FRMPD4: variants seen among roughly 807,000 people sequenced by gnomAD.
The protein encoded by FRMPD4 is FERM and PDZ domain-containing protein 4.
In FRMPD4, 22 loss-of-function variants were observed where a neutral mutation model predicts 94.1. The observed-to-expected ratio is 0.23, with a 90% confidence interval of 0.17 to 0.33. The LOEUF (loss-of-function observed/expected upper bound fraction) is 0.33. Among genes scored for constraint, FRMPD4 ranks in the 10% least tolerant of loss-of-function variants. FRMPD4 has a pLI of 1.00. For synonymous variants in FRMPD4, 631 were observed against 548.6 expected (o/e 1.15, Z -2.10); for missense variants, 1,111 against 1,339.9 (o/e 0.83, Z 2.67).
intron 9 of FRMPD4, among the ~76,000 whole-genome samples, chrX:12,696,606 A>AAAAAAAAAAAAAAAAAAAC (rs2060135535): frequency 9.4e-6 from 1 of 106,361 alleles, no homozygotes; most frequent in Non-Finnish European, 1.9e-5. Context: ...AAAAAAAAAA[A>AAAAAAAAAAAAAAAAAAAC]GACACACTGT....
intron 2 of FRMPD4, among the ~76,000 whole-genome samples, chrX:12,527,303 C>T (rs1172919601): frequency 9.0e-6 from 1 of 111,292 alleles, no homozygotes; most frequent in Non-Finnish European, 1.9e-5. Context: ...ACCTAGAGAA[C>T]TCACTAGAGG....
chrX:12,559,659 A>AAAC (rs766275634), intron 2 of FRMPD4, among the ~76,000 whole-genome samples: 3 of 109,799 alleles, frequency 2.7e-5, no homozygotes, highest in Non-Finnish European at 3.8e-5. Context: ...CAAGGAAAAA[A>AAAC]AAAAACAAAA....
intron 3 of FRMPD4, among the ~76,000 whole-genome samples, chrX:11,917,762 A>G (rs1173562023): frequency 1.8e-5 from 2 of 110,919 alleles, no homozygotes; most frequent in African/African-American, 6.6e-5. Context: ...GAGGAGGGCA[A>G]GGGCTGAAAA....
intron 1 of FRMPD4, among the ~76,000 whole-genome samples, chrX:12,228,794 C>T (rs2056951482): frequency 8.9e-6 from 1 of 112,088 alleles, no homozygotes; most frequent in Admixed American, 9.5e-5. Context: ...GCATTCAGGA[C>T]ACAAGGTAGG....
At chrX:12,681,564 C>T (rs1454482181) in intron 5 of FRMPD4, among the ~76,000 whole-genome samples, 1 of 111,045 alleles carries the variant, frequency 9.0e-6, no homozygotes, top group Admixed American at 9.7e-5. Flanking sequence ...TGAATTCAAG[C>T]TCTGGGAGAC....
At chrX:12,130,102 A>AAGAGAGAGAGAGAGAG (rs10533802) in intron 3 of FRMPD4, among the ~76,000 whole-genome samples, 30 of 92,739 alleles carry the variant, frequency 3.2e-4, no homozygotes, top group South Asian at 1.2e-3. Flanking sequence ...GAGCCAGCGG[A>AAGAGAGAGAGAGAGAG]AGAGAGAGAG....
At chrX:12,541,657 AGGTACAAGAAGGAGCT>A (rs1369537372) in intron 2 of FRMPD4, among the ~76,000 whole-genome samples, 1 of 111,983 alleles carries the variant, frequency 8.9e-6, no homozygotes, top group Non-Finnish European at 1.9e-5. Flanking sequence ...ATTCCACCAG[AGGTACAAGAAGGAGCT>A]GGTACCATTC....
intron 1 of FRMPD4, among the ~76,000 whole-genome samples, chrX:12,268,263 A>T (rs2054303329): frequency 8.9e-6 from 1 of 112,556 alleles, no homozygotes; most frequent in Admixed American, 9.3e-5. Context: ...GAAGGCTGAA[A>T]AACACAGCCT....
intron 3 of FRMPD4, among the ~76,000 whole-genome samples, chrX:11,981,651 T>G (rs773796419): frequency 8.9e-6 from 1 of 111,820 alleles, no homozygotes; most frequent in African/African-American, 3.2e-5. Context: ...GCAAGTACGG[T>G]CTATCATATT....
At chrX:12,701,067 C>CTTTTTTTTT (rs34465193) in intron 9 of FRMPD4, among the ~76,000 whole-genome samples, 4 of 56,582 alleles carry the variant, frequency 7.1e-5, no homozygotes, top group Non-Finnish European at 9.3e-5. Context: ...GTTTTGGCTT[C>CTTTTTTTTT]TTTTTTTTTT....
At chrX:12,466,774 T>C (rs2057453974) in intron 1 of FRMPD4, among the ~76,000 whole-genome samples, 3 of 112,048 alleles carry the variant, frequency 2.7e-5, no homozygotes, top group African/African-American at 9.7e-5. Flanking sequence ...CTAAATCCAT[T>C]TGCAAAACTA....
chrX:11,911,020 T>C (rs1009169749), intron 3 of FRMPD4, among the ~76,000 whole-genome samples: 10 of 111,332 alleles, frequency 9.0e-5, no homozygotes, highest in African/African-American at 2.9e-4. Context: ...TATATTGAGC[T>C]CATTGTTAGT....
At chrX:12,272,914 A>T (rs2054376233) in intron 1 of FRMPD4, among the ~76,000 whole-genome samples, 1 of 110,172 alleles carries the variant, frequency 9.1e-6, no homozygotes, top group South Asian at 3.9e-4. Context: ...ACTAAAAAAG[A>T]TACAATAATT....
At chrX:12,560,898 T>C (rs1229593929) in intron 2 of FRMPD4, among the ~76,000 whole-genome samples, 1 of 97,291 alleles carries the variant, frequency 1.0e-5, no homozygotes, top group Non-Finnish European at 2.1e-5. Flanking sequence ...GCCTCCCAAG[T>C]AGCTGGGACT....
intron 4 of FRMPD4, among the ~76,000 whole-genome samples, chrX:12,645,192 T>C (rs1210619714): frequency 9.1e-6 from 1 of 110,250 alleles, no homozygotes; most frequent in Non-Finnish European, 1.9e-5. Context: ...ATTCATACGG[T>C]AGTAGTCTCA....
chrX:11,842,584 T>C (rs1270795681), intron 1 of FRMPD4, among the ~76,000 whole-genome samples: 2 of 85,050 alleles, frequency 2.4e-5, no homozygotes, highest in East Asian at 7.2e-4. Flanking sequence ...CTTGTGATTT[T>C]TGTACCTTGA....
intron 1 of FRMPD4, among the ~76,000 whole-genome samples, chrX:12,207,378 A>C (rs1448673593): frequency 1.8e-5 from 2 of 111,586 alleles, no homozygotes; most frequent in East Asian, 5.6e-4. Flanking sequence ...TAATTTTTTA[A>C]AAAGAAACGT....
intron 1 of FRMPD4, among the ~76,000 whole-genome samples, chrX:12,316,092 A>G (rs1453497584): frequency 8.9e-6 from 1 of 112,127 alleles, no homozygotes; most frequent in African/African-American, 3.2e-5. Context: ...GATACCTCTC[A>G]GGTGTTATTT....
chrX:12,645,816 T>A (rs1156570066), intron 4 of FRMPD4, among the ~76,000 whole-genome samples: 1 of 112,471 alleles, frequency 8.9e-6, no homozygotes, highest in Non-Finnish European at 1.9e-5. Flanking sequence ...AATTTGCTCA[T>A]ATTTGTAAAT....
Sources: gnomAD v4.1 joint callset for allele counts (sites outside exome capture counted in the v4.1 genomes callset) on GRCh38, gnomAD v4.1.1 for gene constraint, MANE v1.5 for transcripts, NCBI Gene and HGNC (gene_info 2026-07-23, HGNC 2026-07-21) for gene names.